Variants in PDIA5 observed in about 807,000 individuals in gnomAD.
The protein encoded by PDIA5 is protein disulfide isomerase family A member 5.
Under a neutral mutation model 77.6 loss-of-function variants are expected in PDIA5, and 58 were observed. The observed-to-expected ratio is 0.75, with a 90% CI of 0.61 to 0.93. The LOEUF is 0.93. PDIA5 is among the 40% of genes least tolerant of loss of function. PDIA5 has a pLI of 0.00. For synonymous variants in PDIA5, 250 were observed against 252.1 expected (o/e 0.99, Z 0.08); for missense variants, 630 against 647.7 (o/e 0.97, Z 0.30).
chr3:123,127,099 G>A (rs1935258593), intron 10 of PDIA5, among the ~76,000 whole-genome samples: 1 of 152,148 alleles, frequency 6.6e-6, no homozygotes. Context: ...AACTGAATTA[G>A]CAAACACCAA....
intron 1 of PDIA5, among the ~76,000 whole-genome samples, chr3:123,084,962 C>T (rs1934098277): frequency 6.6e-6 from 1 of 152,162 alleles, no homozygotes; most frequent in Non-Finnish European, 1.5e-5. Context: ...AATGATGCTT[C>T]CCACTCTCTT....
At chr3:123,122,596 T>G (rs771130141) in intron 8 of PDIA5, among the ~76,000 whole-genome samples, 6 of 152,158 alleles carry the variant, frequency 3.9e-5, no homozygotes, top group Non-Finnish European at 8.8e-5. Flanking sequence ...CAGGAAGACT[T>G]GGTAGGAAGA....
intron 8 of PDIA5, among the ~76,000 whole-genome samples, chr3:123,121,037 C>A (rs976801870): frequency 6.6e-6 from 1 of 152,210 alleles, no homozygotes; most frequent in Non-Finnish European, 1.5e-5. Context: ...CCGTCACTTC[C>A]TGAATACAGT....
At chr3:123,143,244 G>C (rs887753014) in intron 11 of PDIA5, among the ~76,000 whole-genome samples, 22 of 152,094 alleles carry the variant, frequency 1.4e-4, no homozygotes, top group African/African-American at 5.3e-4. Flanking sequence ...AATTAGCTGG[G>C]CGTGGTGGCA....
At chr3:123,113,808 C>T (rs1048177078) in intron 7 of PDIA5, among the ~76,000 whole-genome samples, 2 of 152,138 alleles carry the variant, frequency 1.3e-5, no homozygotes, top group African/African-American at 4.8e-5. Flanking sequence ...AGGAACCTGG[C>T]TCCCCAGGAT....
intron 15 of PDIA5, among the ~76,000 whole-genome samples, chr3:123,157,416 GTGGGGACTGT>G (rs1354227941): frequency 6.6e-6 from 1 of 152,180 alleles, no homozygotes; most frequent in African/African-American, 2.4e-5. Flanking sequence ...AGGCTGGTGT[GTGGGGACTGT>G]TGGCCTGTCC....
chr3:123,150,419 A>G, intron 14 of PDIA5, 55 bp downstream of exon 14: 1 of 1,557,684 alleles, frequency 6.4e-7, no homozygotes, highest in Non-Finnish European at 8.7e-7. Flanking sequence ...TGGCCCCACC[A>G]AACCAAAAAG....
At chr3:123,143,386 C>CAA (rs34525470) in intron 11 of PDIA5, among the ~76,000 whole-genome samples, 1,816 of 101,712 alleles carry the variant, frequency 0.018, 49 homozygotes, top group African/African-American at 0.052. Flanking sequence ...GACTCCATCT[C>CAA]AAAAAAAAAA....
chr3:123,100,414 C>A (rs987198858), intron 3 of PDIA5, among the ~76,000 whole-genome samples: 1 of 152,228 alleles, frequency 6.6e-6, no homozygotes, highest in Admixed American at 6.5e-5. Context: ...ATTTGGAGAG[C>A]CCACTCCCAG....
intron 3 of PDIA5, among the ~76,000 whole-genome samples, chr3:123,101,012 G>A (rs1934577159): frequency 6.6e-6 from 1 of 152,220 alleles, no homozygotes; most frequent in African/African-American, 2.4e-5. Flanking sequence ...GTCCTTTCAG[G>A]GCTGGGGAGA....
intron 11 of PDIA5, among the ~76,000 whole-genome samples, chr3:123,140,079 T>C (rs1475213203): frequency 3.9e-5 from 6 of 152,154 alleles, no homozygotes; most frequent in Non-Finnish European, 7.3e-5. Flanking sequence ...AGTGGAAGCC[T>C]GAGTGGCTGA....
chr3:123,150,640 G>T (rs529945196), intron 14 of PDIA5, among the ~76,000 whole-genome samples: 1 of 152,026 alleles, frequency 6.6e-6, no homozygotes, highest in South Asian at 2.1e-4. Context: ...GTCCCCTCTT[G>T]TCCCTGGGCT....
chr3:123,069,682 A>G (rs1244984646), intron 1 of PDIA5, among the ~76,000 whole-genome samples: 2 of 152,104 alleles, frequency 1.3e-5, no homozygotes, highest in Admixed American at 6.5e-5. Context: ...CACTAATCCT[A>G]TTCATGAGCG....
chr3:123,149,291 C>A (rs912663882), intron 13 of PDIA5, among the ~76,000 whole-genome samples: 2 of 152,312 alleles, frequency 1.3e-5, no homozygotes. Flanking sequence ...TCTTCTCAGC[C>A]ATGGAAATCA....
intron 1 of PDIA5, among the ~76,000 whole-genome samples, chr3:123,077,549 TACACAC>T (rs368009624): frequency 0.13 from 18,236 of 136,400 alleles, 1,253 homozygotes; most frequent in Non-Finnish European, 0.18. Context: ...CTCACACACA[TACACAC>T]ACACACACAC....
chr3:123,097,467 C>T (rs1026274787), intron 3 of PDIA5, among the ~76,000 whole-genome samples: 1 of 152,124 alleles, frequency 6.6e-6, no homozygotes, highest in Non-Finnish European at 1.5e-5. Flanking sequence ...AGGCACGTAC[C>T]AAGGGAAACA....
chr3:123,074,832 G>A (rs908039578), intron 1 of PDIA5, among the ~76,000 whole-genome samples: 4 of 152,120 alleles, frequency 2.6e-5, no homozygotes, highest in African/African-American at 4.8e-5. Context: ...ATCCAAATTC[G>A]TAGACTACAG....
At chr3:123,069,298 G>A (rs1933665927) in intron 1 of PDIA5, among the ~76,000 whole-genome samples, 1 of 152,192 alleles carries the variant, frequency 6.6e-6, no homozygotes, top group South Asian at 2.1e-4. Context: ...GACCTGAAGG[G>A]TATAAAGGCA....
intron 13 of PDIA5, among the ~76,000 whole-genome samples, chr3:123,148,024 A>C (rs1178009302): frequency 2.0e-5 from 3 of 152,200 alleles, no homozygotes; most frequent in Admixed American, 2.0e-4. Flanking sequence ...TGAGAGCCTG[A>C]AAAGCACTCA....
Sources: gnomAD v4.1 joint callset for allele counts (sites outside exome capture counted in the v4.1 genomes callset) on GRCh38, gnomAD v4.1.1 for gene constraint, MANE v1.5 for transcripts, NCBI Gene and HGNC (gene_info 2026-07-23, HGNC 2026-07-21) for gene names.